The following PIWIL3 variants were observed in gnomAD, a reference collection of about 807,000 sequenced individuals.
The protein encoded by PIWIL3 is piwi like RNA-mediated gene silencing 3.
A neutral mutation model predicts 109.7 loss-of-function variants in PIWIL3; 101 were observed. The observed-to-expected ratio is 0.92, with a 90% CI of 0.78 to 1.09. The LOEUF (loss-of-function observed/expected upper bound fraction) is 1.09. Ranked by LOEUF, PIWIL3 falls within the 50% of genes least tolerant of loss-of-function variation. PIWIL3 has a pLI of 0.00. For synonymous variants in PIWIL3, 373 were observed against 376.4 expected (o/e 0.99, Z 0.10); for missense variants, 1,031 against 1,072.6 (o/e 0.96, Z 0.54).
intron 1 of PIWIL3, among the ~76,000 whole-genome samples, chr22:24,768,186 A>T (rs1925906724): frequency 6.6e-6 from 1 of 152,044 alleles, no homozygotes; most frequent in South Asian, 2.1e-4. Flanking sequence ...TCACAAAAAG[A>T]ATCCTATATT....
At chr22:24,752,057 T>C (rs1924743442) in intron 8 of PIWIL3, among the ~76,000 whole-genome samples, 1 of 151,890 alleles carries the variant, frequency 6.6e-6, no homozygotes, top group South Asian at 2.1e-4. Flanking sequence ...TTTTAATAAA[T>C]ATGTTCTCAT....
Position 24,726,092 on chromosome 22 carries a change from C to T in PIWIL3, c.2010-577G>A, listed in dbSNP as rs532188217. ...ATTTAATCCATAGAGCATGACCAGG[C>T]GTCTCGGCTCCACATTTTCACTGCT... is the stretch of plus-strand genomic sequence containing the variant. On this transcript the variant is annotated intron_variant, in intron 16 of 20. Transcript: ENST00000616349. Among the ~76,000 whole-genome samples, 12 of 152,286 alleles carry T rather than the reference C, an allele frequency of 7.9e-5. No homozygotes were observed. The South Asian group carries it at 2.1e-3, about 26-fold the overall frequency.
At chr22:24,734,596 T>G (rs1923547511) in intron 13 of PIWIL3, among the ~76,000 whole-genome samples, 1 of 152,140 alleles carries the variant, frequency 6.6e-6, no homozygotes, top group Non-Finnish European at 1.5e-5. Flanking sequence ...CATGGACAAC[T>G]GTGAGGGTTA....
intron 1 of PIWIL3, among the ~76,000 whole-genome samples, chr22:24,763,772 C>T (rs1429280755): frequency 2.6e-5 from 4 of 151,978 alleles, no homozygotes; most frequent in Middle Eastern, 3.2e-3. Context: ...ACCCTCCCAC[C>T]CCACACTTAA....
Position 24,725,486 on chromosome 22 carries a change from G to C in PIWIL3, c.2039C>G (p.Thr680Arg), listed in dbSNP as rs751786240. 3 of 1,613,906 alleles carry C rather than the reference G, an allele frequency of 1.9e-6. No individual in the cohort carries two copies. The Admixed American group carries it at 5.0e-5, about 27-fold the overall frequency. Reference sequence around the variant, plus strand: ...CAGCTCTTTCACAAGCTCTTCTCCTGTTTTCTGGATGACACATTGAGAGTA... The same window carrying C: ...CAGCTCTTTCACAAGCTCTTCTCCTCTTTTCTGGATGACACATTGAGAGTA... ...KWYSQCVIQK[T>R]GEELVKELEI... Residue 680 changes from threonine to arginine, a missense_variant, in exon 17 of 21, where the codon ACA becomes AGA. Coordinates refer to ENST00000616349, the MANE Select transcript of PIWIL3 (RefSeq NM_001255975.1).
At position 24,754,157 on chromosome 22, in the gene PIWIL3, A is replaced by G. The variant is rs1200085341; in HGVS notation, c.834T>C (p.Ile278=). The change falls in exon 8 of 21, where the codon ATT becomes ATC. Residue 278 remains isoleucine, a synonymous_variant. Coordinates refer to ENST00000616349, the MANE Select transcript of PIWIL3 (RefSeq NM_001255975.1). The stretch of plus-strand genomic sequence containing the variant: ...TGTGGCTCACATCGGCACAGAGGGT[A>G]ATGCTGTTTTCGTATTGAAGAACAG... ...VTSVLQYENS[I]TLCADVSHKL... 1 of 1,614,148 alleles carries G rather than the reference A, an allele frequency of 6.2e-7. No homozygotes were observed. Among genetic ancestry groups the G allele is most frequent in the African/African-American group, 1.3e-5 (1 of 75,068 alleles).
At position 24,723,207 on chromosome 22, in the gene PIWIL3, A is replaced by C; in HGVS notation, c.2280T>G (p.Phe760Leu). 6.2e-7 allele frequency: 1 copy of C among 1,610,872 alleles called. No homozygotes were observed. The highest frequency in any genetic ancestry group is 8.5e-7 in the Non-Finnish European group (1 of 1,177,318). ...IVVKKRINTR[F>L]FLKHGSNFQN... ...GAAAATTGCTTCCATGTTTAAGAAA[A>C]AATCTAGTGTTTATTCGTTTCTTCA... is the stretch of plus-strand genomic sequence containing the variant. Residue 760 changes from phenylalanine (F) to leucine (L), a missense_variant, in exon 19 of 21, where the codon TTT (phenylalanine) becomes TTG (leucine). Physicochemically the swap from Phe to Leu is conservative, Grantham distance 22. Coordinates refer to ENST00000616349, the MANE Select transcript of PIWIL3 (RefSeq NM_001255975.1).
At position 24,749,458 on chromosome 22, in the gene PIWIL3, A is replaced by G. The variant is rs1239600609; in HGVS notation, c.1280T>C (p.Leu427Ser). 1.9e-6 allele frequency: 3 copies of G among 1,613,670 alleles called. No individual in the cohort carries two copies. Among genetic ancestry groups the G allele is most frequent in the Non-Finnish European group, 2.5e-6 (3 of 1,179,998 alleles). ...IVKELAKHTRLSPRRRHHTLK... is the reference protein window; with the variant it reads ...IVKELAKHTRSSPRRRHHTLK... ...TGTATGATGCCTTCTTCTTGGACTCAATCTTGTATGTTTAGCCAATTCTTT... is the reference window on the plus strand; with the variant it reads ...TGTATGATGCCTTCTTCTTGGACTCGATCTTGTATGTTTAGCCAATTCTTT... Residue 427 changes from leucine (L) to serine (S), a missense_variant, in exon 11 of 21, where the codon TTG becomes TCG. Leu to Ser is a moderately radical substitution (Grantham distance 145). Transcript: ENST00000616349.
intron 8 of PIWIL3, among the ~76,000 whole-genome samples, chr22:24,753,433 C>G (rs1350624865): frequency 6.6e-6 from 1 of 152,150 alleles, no homozygotes; most frequent in African/African-American, 2.4e-5. Context: ...TGTCAGAAGT[C>G]AGCTGACGAA....
In PIWIL3 at chr22:24,762,466, T is replaced by C. The variant is rs1201118298; in HGVS notation, c.34A>G (p.Arg12Gly). The C allele has an allele frequency of 1.2e-6, 2 of 1,613,922 alleles. No homozygotes were observed. The highest frequency in any genetic ancestry group is 2.2e-5 in the East Asian group (1 of 44,876). Reference sequence around the variant, plus strand: ...TGGTAGCTCTCCCTGCGGCGGGCTCTGCCTCGGGCGCGAGTCCTTGCCCTA... The same window carrying C: ...TGGTAGCTCTCCCTGCGGCGGGCTCCGCCTCGGGCGCGAGTCCTTGCCCTA... ...PGRARTRARG[R>G]ARRRESYQQE... Residue 12 changes from arginine to glycine, a missense_variant, in exon 2 of 21, where the codon AGA becomes GGA. Coordinates refer to ENST00000616349, the MANE Select transcript of PIWIL3 (RefSeq NM_001255975.1).
intron 12 of PIWIL3, among the ~76,000 whole-genome samples, chr22:24,743,459 GTAGA>G (rs1319982732): frequency 4.6e-5 from 7 of 152,204 alleles, no homozygotes; most frequent in African/African-American, 1.7e-4. Flanking sequence ...CAGTCAATGA[GTAGA>G]TAAAGAAAAT....
chr22:24,769,558 G>A (rs1926006294), intron 1 of PIWIL3: 2 of 152,304 alleles, frequency 1.3e-5, no homozygotes, highest in Non-Finnish European at 2.9e-5. Context: ...CTTGCAGTGA[G>A]CCGAGATCGT....
chr22:24,738,304 C>T (rs5751968), intron 12 of PIWIL3, among the ~76,000 whole-genome samples: 63,479 of 151,780 alleles, frequency 0.42, 14,353 homozygotes, highest in East Asian at 0.67. Context: ...ATTTCTGTAC[C>T]TGCCCAGGGC....
At chr22:24,728,466 A>C in intron 14 of PIWIL3, 92 bp from the exon 15 acceptor site, 1 of 1,455,418 alleles carries the variant, frequency 6.9e-7, no homozygotes, top group South Asian at 1.2e-5. Context: ...TAGGTGGAAG[A>C]CTAACAAGCT....
In PIWIL3 at chr22:24,742,916, A is replaced by G. The variant is rs566584829; in HGVS notation, c.1449+5991T>C. Among the ~76,000 whole-genome samples, 257 of 152,306 alleles carry G rather than the reference A, an allele frequency of 1.7e-3. 4 individuals are homozygous for G. The highest frequency in any genetic ancestry group is 6.8e-3 in the Middle Eastern group (2 of 294). On this transcript the variant is annotated intron_variant, in intron 12 of 20. Transcript: ENST00000616349. ...CAATGGGACTTAATTAAACTAAAAAACTTATGCACAGCAAAAGAAATAATC... is the reference window on the plus strand; with the variant it reads ...CAATGGGACTTAATTAAACTAAAAAGCTTATGCACAGCAAAAGAAATAATC...
rs116542980 is a variant in PIWIL3, at chr22:24,724,075, G to A, written c.2231+812C>T. Among the ~76,000 whole-genome samples the A allele has an allele frequency of 5.6e-3, 850 of 152,192 alleles. 5 individuals are homozygous for A. The highest frequency in any genetic ancestry group is 0.019 in the African/African-American group (781 of 41,524). ...TTCCCTGGAACTTTGTGGTGGAAGC[G>A]GTCTGCTACTGCCAGGTCCAATTCT... On this transcript the variant is annotated intron_variant, in intron 18 of 20. Coordinates refer to ENST00000616349, the MANE Select transcript of PIWIL3 (RefSeq NM_001255975.1).
intron 7 of PIWIL3, 51 bp from the exon 8 acceptor site, chr22:24,754,268 A>AG: frequency 1.3e-6 from 2 of 1,493,438 alleles, no homozygotes; most frequent in Non-Finnish European, 1.8e-6. Context: ...CATAAAGCCA[A>AG]GGGTTTCCAA....
chr22:24,748,968 T>A lies in PIWIL3; in HGVS notation c.1388A>T (p.Asn463Ile). ...AACTCTTCCCGGGACGGACAAAAAA[T>A]TGGTATCAAATTTCAAATCCCAGAG... ...LQLWDLKFDT[N>I]FLSVPGRVLK... Residue 463 changes from asparagine (N) to isoleucine (I), a missense_variant, in exon 12 of 21, where the codon AAT becomes ATT. Physicochemically the swap from Asn to Ile is moderately radical, Grantham distance 149 (BLOSUM62 -3). Transcript: ENST00000616349. 6.2e-7 allele frequency: 1 copy of A among 1,613,778 alleles called. No homozygotes were observed. The highest frequency in any genetic ancestry group is 8.5e-7 in the Non-Finnish European group (1 of 1,179,916).
rs868066915 is a variant in PIWIL3 at position 24,753,252 on chromosome 22, T to C, written c.977+762A>G. ...AAGTCAAAAAGATTCAGTCCTATAT[T>C]TTCTAAGAATGTTATGCTTTTAGTT... is the stretch of plus-strand genomic sequence containing the variant. On this transcript the variant is annotated intron_variant, in intron 8 of 20. Transcript: ENST00000616349. Among the ~76,000 whole-genome samples, 5 of 152,336 alleles carry C rather than the reference T, an allele frequency of 3.3e-5. No individual in the cohort carries two copies. The South Asian group carries it at 8.3e-4, about 25-fold the overall frequency.
Sources: allele counts gnomAD v4.1 joint callset (sites outside exome capture counted in the v4.1 genomes callset), GRCh38; gene constraint gnomAD v4.1.1; transcripts MANE v1.5; gene names NCBI Gene and HGNC (gene_info 2026-07-23, HGNC 2026-07-21).